Variants in TTC6 observed in about 807,000 individuals in gnomAD.
TTC6 encodes the protein tetratricopeptide repeat protein 6.
A neutral mutation model predicts 210.4 loss-of-function variants in TTC6; 172 were observed. The ratio of observed to expected loss-of-function variants is 0.82; its 90% CI spans 0.72 to 0.93. The LOEUF (loss-of-function observed/expected upper bound fraction) is 0.93. Among genes scored for constraint, TTC6 ranks in the 40% least tolerant of loss-of-function variants. The pLI is 0.00. For missense variants in TTC6, 2,414 were observed against 2,318.1 expected (o/e 1.04, Z -0.85); for synonymous variants, 804 against 819.6 (o/e 0.98, Z 0.32).
At chr14:37,720,966 G>C (rs1227334755) in intron 6 of TTC6, among the ~76,000 whole-genome samples, 2 of 151,772 alleles carry the variant, frequency 1.3e-5, no homozygotes, top group African/African-American at 4.8e-5. Context: ...TGTTGTCTTT[G>C]GGCTAAACTG....
intron 2 of TTC6, among the ~76,000 whole-genome samples, chr14:37,614,565 G>C (rs1425233232): frequency 6.6e-6 from 1 of 150,436 alleles, no homozygotes; most frequent in African/African-American, 2.4e-5. Context: ...ATTTCCTTCT[G>C]GTATCATTTC....
rs916080515 is a variant in TTC6, at chr14:37,660,023, T to C, written c.940-20128T>C. On this transcript the variant is annotated intron_variant, in intron 1 of 30. Transcript: ENST00000553443. ...TTAGACCTTTGCCAGATGCATAGTT[T>C]GCAAAAATTTTCTCTCATTCGGTAG... 2.6e-5 allele frequency among the ~76,000 whole-genome samples: 4 copies of C among 152,202 alleles called. No homozygotes were observed. In the East Asian group the frequency reaches 7.7e-4, roughly 29 times the overall value.
At chr14:37,829,806 G>T (rs2096180410) in intron 29 of TTC6, among the ~76,000 whole-genome samples, 1 of 151,988 alleles carries the variant, frequency 6.6e-6, no homozygotes, top group Non-Finnish European at 1.5e-5. Context: ...GTTACTGTGG[G>T]TTCACTTGGG....
chr14:37,807,558 G>A, intron 23 of TTC6, 98 bp downstream of exon 25: 1 of 1,048,228 alleles, frequency 9.5e-7, no homozygotes, highest in Non-Finnish European at 1.3e-6. Flanking sequence ...ATGTGGTTGG[G>A]AATCACTATG....
At chr14:37,734,040 T>C (rs1319806929) in intron 7 of TTC6, among the ~76,000 whole-genome samples, 2 of 152,186 alleles carry the variant, frequency 1.3e-5, no homozygotes, top group Non-Finnish European at 2.9e-5. Flanking sequence ...GAATGTTTGC[T>C]TACCATTGTA....
chr14:37,692,001 G>T (rs1016792827), intron 3 of TTC6, among the ~76,000 whole-genome samples: 1 of 151,612 alleles, frequency 6.6e-6, no homozygotes, highest in Admixed American at 6.6e-5. Context: ...AACCTGAACA[G>T]ACCCATAACA....
intron 2 of TTC6, among the ~76,000 whole-genome samples, chr14:37,607,266 C>T (rs1170879752): frequency 6.6e-6 from 1 of 152,174 alleles, no homozygotes; most frequent in Non-Finnish European, 1.5e-5. Context: ...GTCCAGTGAC[C>T]GAGGGGCTCA....
intron 4 of TTC6, 86 bp from the exon 7 acceptor site, chr14:37,701,246 C>A: frequency 1.1e-6 from 1 of 941,278 alleles, no homozygotes; most frequent in South Asian, 3.4e-5. Context: ...TCTTTAGAAC[C>A]TGAACTAAAT....
chr14:37,763,993 TA>T (rs1319771532), intron 14 of TTC6, among the ~76,000 whole-genome samples: 1 of 152,132 alleles, frequency 6.6e-6, no homozygotes, highest in African/African-American at 2.4e-5. Context: ...TATGTTGTAT[TA>T]CCTTTCATTT....
intron 10 of TTC6, 129 bp from the exon 13 acceptor site, chr14:37,748,810 G>T: frequency 1.5e-6 from 1 of 658,734 alleles, no homozygotes; most frequent in Non-Finnish European, 2.4e-6. Flanking sequence ...AGGAGAACTT[G>T]CGCATAAAAT....
chr14:37,674,675 G>A (rs532732989), intron 1 of TTC6, among the ~76,000 whole-genome samples: 1 of 152,190 alleles, frequency 6.6e-6, no homozygotes, highest in African/African-American at 2.4e-5. Flanking sequence ...ATTTTCACTT[G>A]AGAGTACCAT....
intron 14 of TTC6, among the ~76,000 whole-genome samples, chr14:37,778,535 A>G (rs988739907): frequency 6.6e-6 from 1 of 152,026 alleles, no homozygotes; most frequent in Non-Finnish European, 1.5e-5. Flanking sequence ...TGAGGAAGGG[A>G]TGGTGAAATC....
At chr14:37,688,983 A>G (rs2095798778) in intron 3 of TTC6, among the ~76,000 whole-genome samples, 1 of 152,210 alleles carries the variant, frequency 6.6e-6, no homozygotes, top group Admixed American at 6.5e-5. Context: ...ACCAAGGGCC[A>G]ACCCTGAGAG....
intron 3 of TTC6, among the ~76,000 whole-genome samples, chr14:37,689,839 A>T (rs1350689639): frequency 1.3e-5 from 2 of 152,104 alleles, no homozygotes; most frequent in East Asian, 3.9e-4. Flanking sequence ...TCAACCAGAG[A>T]GAAAAGCATG....
chr14:37,800,747 T>C (rs1230829334), intron 20 of TTC6, among the ~76,000 whole-genome samples: 1 of 152,210 alleles, frequency 6.6e-6, no homozygotes. Context: ...TTTTGTCTAA[T>C]GAAGTGAATC....
chr14:37,828,236 A>G (rs2096176848), intron 29 of TTC6, among the ~76,000 whole-genome samples: 1 of 152,122 alleles, frequency 6.6e-6, no homozygotes, highest in South Asian at 2.1e-4. Flanking sequence ...CATTTGAATC[A>G]TAATGCATTT....
At chr14:37,770,268 A>G (rs1313663055) in intron 14 of TTC6, among the ~76,000 whole-genome samples, 1 of 152,182 alleles carries the variant, frequency 6.6e-6, no homozygotes, top group Non-Finnish European at 1.5e-5. Flanking sequence ...GCTGAAAAAA[A>G]TGTATATTCT....
intron 20 of TTC6, among the ~76,000 whole-genome samples, chr14:37,801,554 A>G (rs1419399406): frequency 6.6e-6 from 1 of 152,162 alleles, no homozygotes; most frequent in Non-Finnish European, 1.5e-5. Context: ...ATTATGTTGC[A>G]GTATATAAGA....
rs116990557 is a variant in TTC6 at position 37,655,485 on chromosome 14, G to A, written c.940-24666G>A. On this transcript the variant is annotated intron_variant, in intron 1 of 30. Transcript: ENST00000553443. ...TTTATGGGGTACAAGCAGCCAAGCA[G>A]TCTTAACCTTTTTCCCAGAACTTCC... is the stretch of plus-strand genomic sequence containing the variant. Among the ~76,000 whole-genome samples the A allele has an allele frequency of 5.4e-4, 82 of 152,326 alleles. No homozygotes were observed. The East Asian group carries it at 0.013, about 24-fold the overall frequency.
Sources: gnomAD v4.1 joint callset for allele counts (sites outside exome capture counted in the v4.1 genomes callset) on GRCh38, gnomAD v4.1.1 for gene constraint, MANE v1.5 for transcripts, NCBI Gene and HGNC (gene_info 2026-07-23, HGNC 2026-07-21) for gene names.